The following LCLAT1 variants were observed in gnomAD, a reference collection of about 807,000 sequenced individuals.
LCLAT1 encodes 1-AGP acyltransferase 8.
A neutral mutation model predicts 30.7 loss-of-function variants in LCLAT1; 11 were observed. The observed-to-expected ratio is 0.36, with a 90% CI of 0.23 to 0.59. The LOEUF (loss-of-function observed/expected upper bound fraction) is 0.59, where lower values mean the gene tolerates loss of function less well. LCLAT1 is among the 20% of genes least tolerant of loss of function. The pLI is 0.77. For missense variants in LCLAT1, 402 were observed against 458.6 expected (o/e 0.88, Z 1.13); for synonymous variants, 155 against 151.3 (o/e 1.02, Z -0.18).
chr2:30,535,344 A>G (rs1572587047), intron 3 of LCLAT1, among the ~76,000 whole-genome samples: 1 of 152,114 alleles, frequency 6.6e-6, no homozygotes, highest in South Asian at 2.1e-4. Flanking sequence ...GGGGAGAAGA[A>G]GATTAAGAGT....
chr2:30,618,131 A>G (rs1331773195), intron 5 of LCLAT1, among the ~76,000 whole-genome samples: 1 of 152,102 alleles, frequency 6.6e-6, no homozygotes, highest in Non-Finnish European at 1.5e-5. Context: ...CTGTATGTCT[A>G]ACTCTCCTCC....
At chr2:30,584,920 GA>G (rs1463268484) in intron 5 of LCLAT1, among the ~76,000 whole-genome samples, 1 of 126,350 alleles carries the variant, frequency 7.9e-6, no homozygotes, top group African/African-American at 3.0e-5. Context: ...TTGCTGCCCT[GA>G]TAAGGAACCA....
intron 1 of LCLAT1, among the ~76,000 whole-genome samples, chr2:30,491,362 T>C (rs953334973): frequency 1.3e-5 from 2 of 152,222 alleles, no homozygotes; most frequent in Non-Finnish European, 1.5e-5. Flanking sequence ...ATTAACTCAA[T>C]ACTTATCCTA....
At chr2:30,586,306 T>C (rs918313923) in intron 5 of LCLAT1, among the ~76,000 whole-genome samples, 1 of 150,784 alleles carries the variant, frequency 6.6e-6, no homozygotes, top group African/African-American at 2.4e-5. Flanking sequence ...GCTAGAAACC[T>C]GAAATCAAGG....
At chr2:30,526,383 C>G (rs890468109) in intron 2 of LCLAT1, among the ~76,000 whole-genome samples, 8 of 151,966 alleles carry the variant, frequency 5.3e-5, no homozygotes, top group Non-Finnish European at 7.4e-5. Flanking sequence ...ATGACCCTTT[C>G]TTCTATCATC....
At chr2:30,602,974 G>C (rs967860216) in intron 5 of LCLAT1, among the ~76,000 whole-genome samples, 2 of 152,182 alleles carry the variant, frequency 1.3e-5, no homozygotes, top group African/African-American at 2.4e-5. Flanking sequence ...AAAGAATTGA[G>C]TTAGAATCAT....
At chr2:30,452,968 A>G (rs1681633357) in intron 1 of LCLAT1, among the ~76,000 whole-genome samples, 1 of 152,014 alleles carries the variant, frequency 6.6e-6, no homozygotes, top group South Asian at 2.1e-4. Flanking sequence ...AAAGCTGACA[A>G]CAGAGGATTA....
intron 5 of LCLAT1, among the ~76,000 whole-genome samples, chr2:30,570,707 T>G (rs950205121): frequency 6.6e-6 from 1 of 152,226 alleles, no homozygotes; most frequent in African/African-American, 2.4e-5. Flanking sequence ...AGCTGGAATA[T>G]TTTCTTTAAG....
intron 5 of LCLAT1, among the ~76,000 whole-genome samples, chr2:30,609,718 A>T (rs1250870045): frequency 6.6e-6 from 1 of 152,130 alleles, no homozygotes; most frequent in African/African-American, 2.4e-5. Context: ...TTGAACTCAT[A>T]GTGTTCATTC....
chr2:30,475,053 A>T (rs1301619139), intron 1 of LCLAT1, among the ~76,000 whole-genome samples: 1 of 152,140 alleles, frequency 6.6e-6, no homozygotes, highest in African/African-American at 2.4e-5. Context: ...GCTGGAGTAC[A>T]GTGGCACAAT....
intron 5 of LCLAT1, among the ~76,000 whole-genome samples, chr2:30,582,052 G>T (rs1666232807): frequency 6.6e-6 from 1 of 152,052 alleles, no homozygotes; most frequent in African/African-American, 2.4e-5. Flanking sequence ...ATACTAAAAA[G>T]CAAGAATAAT....
At chr2:30,454,215 C>T (rs1484130572) in intron 1 of LCLAT1, among the ~76,000 whole-genome samples, 1 of 152,088 alleles carries the variant, frequency 6.6e-6, no homozygotes, top group Admixed American at 6.5e-5. Context: ...AATGAGACAT[C>T]CTTTTTGCCT....
intron 5 of LCLAT1, among the ~76,000 whole-genome samples, chr2:30,577,826 C>G (rs2148462301): frequency 6.6e-6 from 1 of 152,026 alleles, no homozygotes; most frequent in South Asian, 2.1e-4. Flanking sequence ...TTGACCATGG[C>G]CATTATCTCT....
intron 4 of LCLAT1, among the ~76,000 whole-genome samples, chr2:30,567,056 CTGATA>C (rs1456776511): frequency 1.3e-5 from 2 of 152,130 alleles, no homozygotes; most frequent in East Asian, 3.9e-4. Flanking sequence ...GAATGTTGAT[CTGATA>C]TATTTGATTG....
intron 5 of LCLAT1, among the ~76,000 whole-genome samples, chr2:30,620,905 G>A (rs1019549800): frequency 2.6e-5 from 4 of 151,972 alleles, no homozygotes; most frequent in East Asian, 1.9e-4. Flanking sequence ...GCAACTCCTG[G>A]GATACTTTAG....
intron 5 of LCLAT1, among the ~76,000 whole-genome samples, chr2:30,632,239 T>C (rs1668801881): frequency 6.6e-6 from 1 of 152,218 alleles, no homozygotes; most frequent in African/African-American, 2.4e-5. Flanking sequence ...ATGGTTCTTA[T>C]TTAGAAAAAG....
chr2:30,455,568 C>G (rs1022572028), intron 1 of LCLAT1, among the ~76,000 whole-genome samples: 2 of 152,192 alleles, frequency 1.3e-5, no homozygotes, highest in South Asian at 2.1e-4. Flanking sequence ...TCTATGGTCA[C>G]GTTATGGCCT....
chr2:30,612,732 A>C (rs981786401), intron 5 of LCLAT1, among the ~76,000 whole-genome samples: 47 of 152,124 alleles, frequency 3.1e-4, no homozygotes, highest in African/African-American at 1.1e-3. Flanking sequence ...TTCCAGCGAC[A>C]GTCTCTCATA....
At position 30,568,133 on chromosome 2, in the gene LCLAT1, A is replaced by G; in HGVS notation, c.585A>G (p.Pro195=). The change falls in exon 5 of 6, where the codon CCA becomes CCG. Residue 195 remains proline, a synonymous_variant. Transcript: ENST00000379509. ...AGAAATATGAATATGTTTTACATCC[A>G]AGAACTACAGGCTTTACTTTTGTGG... The part of the protein sequence containing the change: ...GLQKYEYVLH[P]RTTGFTFVVD... 1 of 1,608,528 alleles carries G rather than the reference A, an allele frequency of 6.2e-7. No homozygotes were observed. Among genetic ancestry groups the G allele is most frequent in the Non-Finnish European group, 8.5e-7 (1 of 1,176,788 alleles).
Sources: allele counts gnomAD v4.1 joint callset (sites outside exome capture counted in the v4.1 genomes callset), GRCh38; gene constraint gnomAD v4.1.1; transcripts MANE v1.5; gene names NCBI Gene and HGNC (gene_info 2026-07-23, HGNC 2026-07-21).